The following TBXAS1 variants were observed in gnomAD, a reference collection of about 807,000 sequenced individuals.
TBXAS1 encodes the protein thromboxane A synthase 1, also known as thromboxane-A synthase.
Under a neutral mutation model 60.7 loss-of-function variants are expected in TBXAS1, and 48 were observed. The observed-to-expected ratio is 0.79, with a 90% CI of 0.63 to 1.01. The LOEUF (loss-of-function observed/expected upper bound fraction) is 1.01, where lower values mean the gene tolerates loss of function less well. Among genes scored for constraint, TBXAS1 ranks in the 50% least tolerant of loss-of-function variants. TBXAS1 has a pLI of 0.00. For missense variants in TBXAS1, 685 were observed against 686.3 expected, an observed-to-expected ratio of 1.00 and a Z score of 0.02; for synonymous variants, 287 against 269.7, an observed-to-expected ratio of 1.06 and a Z score of -0.63.
chr7:139,876,132 AG>A (rs1000812430), intron 3 of TBXAS1, among the ~76,000 whole-genome samples: 3 of 152,198 alleles, frequency 2.0e-5, no homozygotes, highest in African/African-American at 7.2e-5. Flanking sequence ...TGAAAGTGAA[AG>A]GAAGTGCTAT....
intron 9 of TBXAS1, among the ~76,000 whole-genome samples, chr7:139,971,852 T>TC (rs1219899498): frequency 6.6e-6 from 1 of 152,104 alleles, no homozygotes; most frequent in Non-Finnish European, 1.5e-5. Flanking sequence ...TTAATCTCCT[T>TC]CCCCTCTTTC....
intron 3 of TBXAS1, among the ~76,000 whole-genome samples, chr7:139,887,396 G>T (rs1478979158): frequency 6.6e-6 from 1 of 152,054 alleles, no homozygotes; most frequent in Non-Finnish European, 1.5e-5. Context: ...TTGCAAAGCT[G>T]AAACTTTGTC....
chr7:139,898,134 C>T (rs1363021060), intron 3 of TBXAS1, among the ~76,000 whole-genome samples: 1 of 152,172 alleles, frequency 6.6e-6, no homozygotes, highest in Non-Finnish European at 1.5e-5. Context: ...TCTGAACTTT[C>T]TGGAAGTTGA....
At chr7:139,889,973 G>A (rs1310535274) in intron 3 of TBXAS1, among the ~76,000 whole-genome samples, 1 of 152,148 alleles carries the variant, frequency 6.6e-6, no homozygotes, top group African/African-American at 2.4e-5. Flanking sequence ...AAGGAGAGAG[G>A]AATGGGAGCT....
At chr7:139,973,245 A>G (rs1811336446) in intron 9 of TBXAS1, among the ~76,000 whole-genome samples, 2 of 152,186 alleles carry the variant, frequency 1.3e-5, no homozygotes, top group African/African-American at 4.8e-5. Flanking sequence ...GCTGACAACA[A>G]GAAACTTACT....
chr7:139,973,663 G>C (rs1005473287), intron 9 of TBXAS1, among the ~76,000 whole-genome samples: 4 of 151,870 alleles, frequency 2.6e-5, no homozygotes, highest in Non-Finnish European at 5.9e-5. Context: ...AGATCACAAG[G>C]GAGGTGTGAC....
intron 7 of TBXAS1, among the ~76,000 whole-genome samples, chr7:139,955,860 G>A (rs1012329152): frequency 7.2e-5 from 11 of 152,344 alleles, no homozygotes; most frequent in Middle Eastern, 3.4e-3. Flanking sequence ...CGGTTGGGAC[G>A]CACCGTGTTA....
chr7:139,958,200 G>A (rs1382774441), intron 8 of TBXAS1, among the ~76,000 whole-genome samples: 1 of 152,058 alleles, frequency 6.6e-6, no homozygotes, highest in Non-Finnish European at 1.5e-5. Flanking sequence ...TAGAGAGTTC[G>A]GCAACTGTCA....
At chr7:139,922,121 G>T (rs1806527182) in intron 4 of TBXAS1, among the ~76,000 whole-genome samples, 1 of 147,202 alleles carries the variant, frequency 6.8e-6, no homozygotes, top group African/African-American at 2.5e-5. Flanking sequence ...TTTTCCCCGA[G>T]ATGGAGTTTT....
Position 139,951,941 on chromosome 7 carries a change from GAAAGAAAGA to G in TBXAS1, c.451-1415_451-1407del, listed in dbSNP as rs1358909693. 9.7e-5 allele frequency among the ~76,000 whole-genome samples: 2 copies of G among 20,650 alleles called. 1 individual carries two copies. Among genetic ancestry groups the G allele is most frequent in the Non-Finnish European group, 2.1e-4 (2 of 9,702 alleles). 13.5% of individuals were successfully genotyped at this position (20,650 alleles called of 152,430 possible). On this transcript the variant is annotated intron_variant, in intron 5 of 12. Transcript: ENST00000448866. ...AGAGAGAAAGAAAGAGAGAAAGAAG[GAAAGAAAGA>G]AAAGAAAGAAAGAAAGAAAGAAAGA...
At chr7:139,817,417 C>A (rs1055748085) in intron 4 of TBXAS1, among the ~76,000 whole-genome samples, 29 of 152,128 alleles carry the variant, frequency 1.9e-4, no homozygotes, top group Non-Finnish European at 4.1e-4. Flanking sequence ...ATCCAGAGAC[C>A]CCCCTGCCGG....
chr7:139,889,700 G>A (rs530794821), intron 3 of TBXAS1, among the ~76,000 whole-genome samples: 5 of 152,236 alleles, frequency 3.3e-5, no homozygotes, highest in Middle Eastern at 3.4e-3. Context: ...GCACCCTCCC[G>A]TGGTGGAAGA....
At chr7:139,816,155 C>T (rs112168802) in intron 4 of TBXAS1, among the ~76,000 whole-genome samples, 4 of 152,272 alleles carry the variant, frequency 2.6e-5, no homozygotes, top group East Asian at 3.9e-4. Context: ...GTGAAGAAGG[C>T]GCCTGTTTTC....
intron 5 of TBXAS1, among the ~76,000 whole-genome samples, chr7:139,949,220 G>A (rs1237205374): frequency 6.6e-6 from 1 of 152,316 alleles, no homozygotes; most frequent in South Asian, 2.1e-4. Context: ...TGCCTCTGAA[G>A]AGTTGTGTGT....
chr7:139,969,986 G>C (rs532349783), intron 9 of TBXAS1, among the ~76,000 whole-genome samples: 3 of 152,216 alleles, frequency 2.0e-5, no homozygotes, highest in African/African-American at 7.2e-5. Flanking sequence ...CTGTGGCACC[G>C]GCCCTTGGTT....
intron 3 of TBXAS1, among the ~76,000 whole-genome samples, chr7:139,890,622 C>G (rs949787955): frequency 7.9e-5 from 12 of 152,100 alleles, no homozygotes; most frequent in African/African-American, 2.9e-4. Context: ...TAATAAATAC[C>G]AGCATTTTAC....
intron 4 of TBXAS1, among the ~76,000 whole-genome samples, chr7:139,807,222 C>T (rs1797900189): frequency 6.6e-6 from 1 of 152,146 alleles, no homozygotes; most frequent in South Asian, 2.1e-4. Context: ...TTGCTCTTTG[C>T]TGGATTCTGT....
intron 9 of TBXAS1, among the ~76,000 whole-genome samples, chr7:139,991,717 G>A (rs1448310845): frequency 6.6e-6 from 1 of 152,210 alleles, no homozygotes; most frequent in African/African-American, 2.4e-5. Context: ...TGGCCTCATA[G>A]GGCCATAATC....
chr7:139,941,736 C>T (rs1175774875), intron 5 of TBXAS1, among the ~76,000 whole-genome samples: 3 of 152,170 alleles, frequency 2.0e-5, no homozygotes, highest in Non-Finnish European at 4.4e-5. Context: ...TTTTCACAGT[C>T]TTTTGCTAGA....
Sources: allele counts gnomAD v4.1 joint callset (sites outside exome capture counted in the v4.1 genomes callset), GRCh38; gene constraint gnomAD v4.1.1; transcripts MANE v1.5; gene names NCBI Gene and HGNC (gene_info 2026-07-23, HGNC 2026-07-21).